The following DCC variants were observed in gnomAD, a reference collection of about 807,000 sequenced individuals.
The protein encoded by DCC is DCC netrin 1 receptor.
In DCC, 58 loss-of-function variants were observed where a neutral mutation model predicts 172.5. That is an observed-to-expected ratio of 0.34 (90% confidence interval 0.27 to 0.42). The LOEUF is 0.42. Ranked by LOEUF, DCC falls within the 10% of genes least tolerant of loss-of-function variation. The pLI, the probability that DCC is intolerant of heterozygous loss-of-function variation, is 1.00. For synonymous variants in DCC, 709 were observed against 644.5 expected (o/e 1.10, Z -1.52); for missense variants, 1,740 against 1,791.0 (o/e 0.97, Z 0.51).
intron 2 of DCC, among the ~76,000 whole-genome samples, chr18:52,868,340 C>A (rs531906023): frequency 3.9e-4 from 60 of 152,088 alleles, no homozygotes; most frequent in East Asian, 2.3e-3. Context: ...ATTTTTCCCC[C>A]AAAAAATTAC....
intron 1 of DCC, among the ~76,000 whole-genome samples, chr18:52,610,382 CAAAAAAAAAAAA>C (rs55715009): frequency 2.8e-4 from 14 of 49,964 alleles, no homozygotes; most frequent in Non-Finnish European, 3.9e-4. Context: ...TCTGTCTCAA[CAAAAAAAAAAAA>C]AAAAAAAAAA....
At chr18:53,221,781 TA>T (rs973712046) in intron 12 of DCC, among the ~76,000 whole-genome samples, 1 of 152,216 alleles carries the variant, frequency 6.6e-6, no homozygotes, top group Non-Finnish European at 1.5e-5. Flanking sequence ...ATGAAAAACT[TA>T]ATGAATCAGT....
intron 1 of DCC, among the ~76,000 whole-genome samples, chr18:52,684,759 TAGG>T (rs2035802568): frequency 6.6e-6 from 1 of 151,776 alleles, no homozygotes; most frequent in South Asian, 2.1e-4. Flanking sequence ...AAAAAAAAAT[TAGG>T]AGCAAGAATT....
chr18:52,467,057 T>A lies in DCC; in HGVS notation c.91+126179T>A, dbSNP rs566150427. ...AAGTGGTTTTTTTAAAAAAAAAATA[T>A]ATATATATATTTTAAGTTCTGGGAT... On this transcript the variant is annotated intron_variant, in intron 1 of 28. Transcript: ENST00000442544. Among the ~76,000 whole-genome samples, 517 of 151,316 alleles carry A rather than the reference T, an allele frequency of 3.4e-3. 3 individuals are homozygous for A. The highest frequency in any genetic ancestry group is 0.012 in the African/African-American group (492 of 41,174).
intron 5 of DCC, among the ~76,000 whole-genome samples, chr18:52,940,195 GAAACC>G (rs1317500928): frequency 1.3e-5 from 2 of 152,162 alleles, no homozygotes; most frequent in Non-Finnish European, 2.9e-5. Flanking sequence ...TTTATATTCA[GAAACC>G]AAACCAACGA....
intron 27 of DCC, among the ~76,000 whole-genome samples, chr18:53,511,628 C>T (rs943873750): frequency 1.3e-5 from 2 of 152,166 alleles, no homozygotes; most frequent in East Asian, 1.9e-4. Flanking sequence ...CAAAGCAGGG[C>T]GAGGCATTGC....
At chr18:52,533,471 C>T (rs2032206745) in intron 1 of DCC, among the ~76,000 whole-genome samples, 1 of 152,102 alleles carries the variant, frequency 6.6e-6, no homozygotes, top group Non-Finnish European at 1.5e-5. Flanking sequence ...TTTTTCAATG[C>T]TATATAAATG....
chr18:53,347,562 C>T (rs1028819101), intron 15 of DCC, among the ~76,000 whole-genome samples: 10 of 152,248 alleles, frequency 6.6e-5, no homozygotes, highest in African/African-American at 1.4e-4. Flanking sequence ...TTGGCACTAT[C>T]GCACTTATTT....
intron 2 of DCC, among the ~76,000 whole-genome samples, chr18:52,834,025 G>A (rs909582443): frequency 2.6e-5 from 4 of 152,100 alleles, no homozygotes; most frequent in African/African-American, 7.3e-5. Context: ...TATGTGCTTG[G>A]GTACATACAC....
rs563419574 is a variant in DCC at position 52,375,336 on chromosome 18, T to A, written c.91+34458T>A. 1.1e-4 allele frequency among the ~76,000 whole-genome samples: 17 copies of A among 151,894 alleles called. No individual in the cohort carries two copies. In the South Asian group the frequency reaches 3.5e-3, roughly 31 times the overall value. ...TATAACACTCACACACACACACATT[T>A]AAGATATATGCAAGGTTAAAAGAAT... On this transcript the variant is annotated intron_variant, in intron 1 of 28. Coordinates refer to ENST00000442544, the MANE Select transcript of DCC (RefSeq NM_005215.4).
intron 2 of DCC, among the ~76,000 whole-genome samples, chr18:52,843,558 TTAAA>T (rs752166588): frequency 4.6e-5 from 7 of 152,346 alleles, no homozygotes; most frequent in African/African-American, 1.2e-4. Flanking sequence ...AAACTCATAA[TTAAA>T]TGTGTGCAAT....
chr18:52,734,932 T>C (rs1029684877), intron 1 of DCC, among the ~76,000 whole-genome samples: 2 of 152,256 alleles, frequency 1.3e-5, no homozygotes, highest in South Asian at 2.1e-4. Flanking sequence ...CTGGGTGACA[T>C]AAATGTTTGA....
In DCC at chr18:53,182,364, C is replaced by T. The variant is rs534474472; in HGVS notation, c.1573+3248C>T. Among the ~76,000 whole-genome samples, 9 of 152,212 alleles carry T rather than the reference C, an allele frequency of 5.9e-5. No homozygotes were observed. The South Asian group carries it at 1.9e-3, about 32-fold the overall frequency. On this transcript the variant is annotated intron_variant, in intron 9 of 28. Coordinates refer to ENST00000442544, the MANE Select transcript of DCC (RefSeq NM_005215.4). The stretch of plus-strand genomic sequence containing the variant: ...CTTACCAGTATATGGAATAAGGATA[C>T]CTTTGCAGATCATTGTTTATTTGCA...
intron 5 of DCC, among the ~76,000 whole-genome samples, chr18:52,991,732 A>T (rs1439473270): frequency 6.6e-6 from 1 of 152,166 alleles, no homozygotes; most frequent in Non-Finnish European, 1.5e-5. Context: ...TTATGGTAAC[A>T]TTCCTGCTTC....
chr18:52,968,872 A>T (rs1021834743), intron 5 of DCC, among the ~76,000 whole-genome samples: 4 of 152,174 alleles, frequency 2.6e-5, no homozygotes, highest in African/African-American at 9.7e-5. Context: ...TTTGCTGTTT[A>T]TCTGAAATTC....
chr18:53,463,205 A>G (rs911184205), intron 24 of DCC, among the ~76,000 whole-genome samples: 1 of 152,238 alleles, frequency 6.6e-6, no homozygotes, highest in African/African-American at 2.4e-5. Flanking sequence ...ATGACTTCTA[A>G]GACACATCCT....
At chr18:53,125,924 A>G (rs887535465) in intron 7 of DCC, among the ~76,000 whole-genome samples, 2 of 152,162 alleles carry the variant, frequency 1.3e-5, no homozygotes, top group Non-Finnish European at 2.9e-5. Flanking sequence ...TGCAGGGAGC[A>G]TGTGCTGATG....
intron 1 of DCC, among the ~76,000 whole-genome samples, chr18:52,380,495 C>A (rs758690003): frequency 6.6e-6 from 1 of 152,044 alleles, no homozygotes; most frequent in Non-Finnish European, 1.5e-5. Flanking sequence ...ACAAATCTCT[C>A]CATTCCCCAC....
intron 2 of DCC, among the ~76,000 whole-genome samples, chr18:52,897,266 A>G (rs2039745380): frequency 1.3e-5 from 2 of 152,304 alleles, no homozygotes; most frequent in East Asian, 1.9e-4. Context: ...GACTTAGTTG[A>G]TGGCCTTACT....
Sources: gnomAD v4.1 joint callset for allele counts (sites outside exome capture counted in the v4.1 genomes callset) on GRCh38, gnomAD v4.1.1 for gene constraint, MANE v1.5 for transcripts, NCBI Gene and HGNC (gene_info 2026-07-23, HGNC 2026-07-21) for gene names.